PDIA5: variants seen among roughly 807,000 people sequenced by gnomAD.
PDIA5 encodes the protein protein disulfide isomerase family A member 5.
PDIA5 carries 58 observed loss-of-function variants against 77.6 expected under a neutral mutation model. The ratio of observed to expected loss-of-function variants is 0.75; its 90% confidence interval spans 0.61 to 0.93. The LOEUF (loss-of-function observed/expected upper bound fraction) is 0.93. Among genes scored for constraint, PDIA5 ranks in the 40% least tolerant of loss-of-function variants. The pLI is 0.00. For synonymous variants in PDIA5, 250 were observed against 252.1 expected, an observed-to-expected ratio of 0.99 and a Z score of 0.08; for missense variants, 630 against 647.7, an observed-to-expected ratio of 0.97 and a Z score of 0.30.
chr3:123,141,112 C>A (rs1935622926), intron 11 of PDIA5, among the ~76,000 whole-genome samples: 1 of 152,206 alleles, frequency 6.6e-6, no homozygotes, highest in Non-Finnish European at 1.5e-5. Flanking sequence ...CTTCAGGAGT[C>A]CTGCCACATC....
intron 1 of PDIA5, among the ~76,000 whole-genome samples, chr3:123,082,330 T>C (rs563425304): frequency 2.0e-5 from 3 of 152,270 alleles, no homozygotes; most frequent in Admixed American, 6.5e-5. Flanking sequence ...GCCCAAGTTC[T>C]AGTCCTGGCT....
intron 1 of PDIA5, among the ~76,000 whole-genome samples, chr3:123,074,175 C>T (rs916227131): frequency 6.6e-6 from 1 of 152,206 alleles, no homozygotes; most frequent in Non-Finnish European, 1.5e-5. Flanking sequence ...ATGGATATTT[C>T]CTTGAGAATC....
chr3:123,105,408 G>A (rs539997927), intron 5 of PDIA5, among the ~76,000 whole-genome samples: 1 of 152,284 alleles, frequency 6.6e-6, no homozygotes, highest in African/African-American at 2.4e-5. Context: ...TGGGTGTCGG[G>A]AAGACCCTGC....
chr3:123,151,178 C>T (rs983122491), intron 14 of PDIA5, among the ~76,000 whole-genome samples: 4 of 152,310 alleles, frequency 2.6e-5, no homozygotes, highest in South Asian at 2.1e-4. Context: ...TGAGAGGGGC[C>T]GCCACAGCCT....
chr3:123,123,308 A>G (rs1265599719), intron 8 of PDIA5, among the ~76,000 whole-genome samples: 1 of 152,200 alleles, frequency 6.6e-6, no homozygotes, highest in Non-Finnish European at 1.5e-5. Flanking sequence ...TCGGTTACCC[A>G]GCTACTAAAA....
At chr3:123,081,766 G>A (rs759522666) in intron 1 of PDIA5, among the ~76,000 whole-genome samples, 3 of 151,926 alleles carry the variant, frequency 2.0e-5, no homozygotes, top group Non-Finnish European at 4.4e-5. Context: ...AATGACAGAC[G>A]GCTTTGCTAG....
chr3:123,111,229 G>A (rs921061759), intron 7 of PDIA5, among the ~76,000 whole-genome samples: 1 of 152,156 alleles, frequency 6.6e-6, no homozygotes, highest in African/African-American at 2.4e-5. Context: ...TAGAATCTGT[G>A]TCCTTCTACC....
chr3:123,072,942 G>GTGTGTGTGTGTGTGTGTGTGTGTGTGTA (rs1933763848), intron 1 of PDIA5, among the ~76,000 whole-genome samples: 1 of 146,126 alleles, frequency 6.8e-6, no homozygotes, highest in East Asian at 2.1e-4. Flanking sequence ...GTGTGTGTGT[G>GTGTGTGTGTGTGTGTGTGTGTGTGTGTA]TATGTGGTGT....
At chr3:123,102,387 G>C in intron 3 of PDIA5, 24 bp from the exon 4 acceptor site, 4 of 1,589,722 alleles carry the variant, frequency 2.5e-6, no homozygotes, top group Non-Finnish European at 3.5e-6. Flanking sequence ...GTAATAAATG[G>C]TTCCCAACAT....
chr3:123,071,155 C>T (rs1433227226), intron 1 of PDIA5, among the ~76,000 whole-genome samples: 1 of 151,906 alleles, frequency 6.6e-6, no homozygotes, highest in Non-Finnish European at 1.5e-5. Flanking sequence ...TATATATATT[C>T]TGCTGATCTG....
Position 123,161,358 on chromosome 3 carries a change from AC to A in PDIA5, c.1384del (p.Gln462LysfsTer51). 1 of 1,614,208 alleles carries A rather than the reference AC, an allele frequency of 6.2e-7. No homozygotes were observed. The highest frequency in any genetic ancestry group is 8.5e-7 in the Non-Finnish European group (1 of 1,180,018). On this transcript the variant is annotated frameshift_variant, in exon 16 of 17. Coordinates refer to ENST00000316218, the MANE Select transcript of PDIA5 (RefSeq NM_006810.4). LOFTEE classifies it high-confidence loss of function. ...CAAVDCVKDK[N>X]QDLCQQEAVK... ...GCTGTTGACTGTGTCAAAGACAAGA[AC>A]CAAGACCTGTGCCAGCAGGAGGCGG...
At chr3:123,130,728 C>T in intron 11 of PDIA5, 112 bp downstream of exon 11, 4 of 1,245,656 alleles carry the variant, frequency 3.2e-6, no homozygotes, top group Non-Finnish European at 4.6e-6. Context: ...GATGCCAGGA[C>T]CCATGCTAAG....
At chr3:123,087,345 C>T (rs1388401136) in intron 1 of PDIA5, among the ~76,000 whole-genome samples, 1 of 148,544 alleles carries the variant, frequency 6.7e-6, no homozygotes, top group Non-Finnish European at 1.5e-5. Context: ...TGATTTTCCT[C>T]TTTTTTTTTT....
intron 15 of PDIA5, among the ~76,000 whole-genome samples, chr3:123,157,355 G>A (rs1936044432): frequency 6.6e-6 from 1 of 152,210 alleles, no homozygotes; most frequent in Non-Finnish European, 1.5e-5. Flanking sequence ...GTCTCTGGGG[G>A]ATGGTGCTGG....
At chr3:123,155,725 C>T (rs570278098) in intron 15 of PDIA5, among the ~76,000 whole-genome samples, 2 of 152,224 alleles carry the variant, frequency 1.3e-5, no homozygotes, top group Admixed American at 6.5e-5. Context: ...TTCCTCCCAG[C>T]CCTGAGACTC....
chr3:123,105,936 G>A (rs1181267280), intron 5 of PDIA5, among the ~76,000 whole-genome samples: 1 of 152,158 alleles, frequency 6.6e-6, no homozygotes, highest in Non-Finnish European at 1.5e-5. Flanking sequence ...GAGTGGCAGA[G>A]GATACAGAGG....
intron 3 of PDIA5, among the ~76,000 whole-genome samples, chr3:123,095,334 G>A (rs1371051879): frequency 2.0e-5 from 3 of 152,198 alleles, no homozygotes; most frequent in Non-Finnish European, 2.9e-5. Flanking sequence ...TGGTATGCTT[G>A]TTCACTCAGC....
In PDIA5 at chr3:123,162,104, A is replaced by C; in HGVS notation, c.*144A>C. 3 of 638,476 alleles carry C rather than the reference A, an allele frequency of 4.7e-6. No individual in the cohort carries two copies. Among genetic ancestry groups the C allele is most frequent in the Non-Finnish European group, 8.5e-6 (3 of 354,606 alleles). 39.6% of individuals were successfully genotyped at this position (638,476 alleles called of 1,614,324 possible). ...ATTTTGAAATAAAATTAAACCATTT[A>C]TTTGGTGGTATGGTTTATTTTCGTG... On this transcript the variant is annotated 3_prime_UTR_variant, in exon 17 of 17. Coordinates refer to ENST00000316218, the MANE Select transcript of PDIA5 (RefSeq NM_006810.4).
At chr3:123,157,574 G>T (rs1456701425) in intron 15 of PDIA5, among the ~76,000 whole-genome samples, 1 of 152,122 alleles carries the variant, frequency 6.6e-6, no homozygotes, top group African/African-American at 2.4e-5. Flanking sequence ...GAATTGTGGG[G>T]TTTTTCCACC....
Sources: gnomAD v4.1 joint callset for allele counts (sites outside exome capture counted in the v4.1 genomes callset) on GRCh38, gnomAD v4.1.1 for gene constraint, MANE v1.5 for transcripts, NCBI Gene and HGNC (gene_info 2026-07-23, HGNC 2026-07-21) for gene names.